The following PAQR7 variants were observed in gnomAD, a reference collection of about 807,000 sequenced individuals.
PAQR7 encodes membrane progestin receptor alpha.
PAQR7 carries 14 observed loss-of-function variants against 24.6 expected under a neutral mutation model. That is an observed-to-expected ratio of 0.57 (90% confidence interval 0.38 to 0.89). The LOEUF (loss-of-function observed/expected upper bound fraction) is 0.89, where lower values mean the gene tolerates loss of function less well. Ranked by LOEUF, PAQR7 falls within the 40% of genes least tolerant of loss-of-function variation. PAQR7 has a pLI of 0.00. For synonymous variants in PAQR7, 189 were observed against 198.8 expected, an observed-to-expected ratio of 0.95 and a Z score of 0.42; for missense variants, 351 against 444.0, an observed-to-expected ratio of 0.79 and a Z score of 1.88.
intron 2 of PAQR7, among the ~76,000 whole-genome samples, chr1:25,866,282 C>G (rs569592687): frequency 1.5e-4 from 23 of 152,318 alleles, no homozygotes; most frequent in African/African-American, 5.3e-4. Context: ...TGCCACCTTC[C>G]TTTCCCTGCA....
In PAQR7 at chr1:25,862,722, C is replaced by A; in HGVS notation, c.*77G>T. 4.2e-6 allele frequency: 6 copies of A among 1,437,546 alleles called. No individual in the cohort carries two copies. The South Asian group carries it at 6.5e-5, about 16-fold the overall frequency. 89.0% of individuals were successfully genotyped at this position (1,437,546 alleles called of 1,614,324 possible). A position where few individuals can be genotyped will look rare whatever the true frequency, so the allele number is the denominator to read the frequency against. The stretch of plus-strand genomic sequence containing the variant: ...GCCAGACACAAACAACTTTACCAGG[C>A]CTTGTTCCCACCTGGAGCCAAACCC... On this transcript the variant is annotated 3_prime_UTR_variant, in exon 3 of 3. Coordinates refer to ENST00000675840, the MANE Select transcript of PAQR7 (RefSeq NM_178422.6).
intron 2 of PAQR7, among the ~76,000 whole-genome samples, chr1:25,867,867 C>A (rs758915654): frequency 2.0e-5 from 3 of 152,210 alleles, no homozygotes; most frequent in Non-Finnish European, 4.4e-5. Flanking sequence ...AAGCAGGAGT[C>A]GTTACACTGC....
chr1:25,866,718 G>GT (rs1341051560), intron 2 of PAQR7, among the ~76,000 whole-genome samples: 20 of 152,112 alleles, frequency 1.3e-4, no homozygotes, highest in African/African-American at 4.8e-4. Flanking sequence ...ACTCAAGTCT[G>GT]TTTTTTTGTG....
At position 25,863,535 on chromosome 1, in the gene PAQR7, G is replaced by C; in HGVS notation, c.305C>G (p.Pro102Arg). The change falls in exon 3 of 3, where the codon CCA (proline) becomes CGA (arginine). Residue 102 changes from proline to arginine, a missense_variant. By Grantham distance (103) the Pro-to-Arg change is moderately radical (BLOSUM62 -2). Transcript: ENST00000675840. This position sits in a 1 kb window ranked among gnomAD's most constrained non-coding sequence, Gnocchi z 6.1. ...FVETVDFWGD[P>R]HALPLFIIVL... is the part of the protein sequence containing the mutation. ...AATGATGAAGAGGGGCAGGGCGTGT[G>C]GGTCTCCCCAGAAGTCCACGGTCTC... 6.2e-7 allele frequency: 1 copy of C among 1,614,204 alleles called. No individual in the cohort carries two copies.
chr1:25,868,181 G>C (rs548940853), intron 2 of PAQR7, among the ~76,000 whole-genome samples: 3 of 152,280 alleles, frequency 2.0e-5, no homozygotes, highest in African/African-American at 7.2e-5. Flanking sequence ...AAGCATCTTG[G>C]GCAACTCTCT....
At position 25,874,342 on chromosome 1, in the gene PAQR7, G is replaced by A. The variant is rs140833931; in HGVS notation, c.-109+1146C>T. ...TTATAAGTGTGAGCTCCCACAGATG[G>A]CCTGAAAAAGCAATTCTTAAAGAAA... On this transcript the variant is annotated intron_variant, in intron 1 of 2. Transcript: ENST00000675840. 5.8e-3 allele frequency among the ~76,000 whole-genome samples: 878 copies of A among 152,196 alleles called. 11 individuals carry two copies. The highest frequency in any genetic ancestry group is 0.019 in the African/African-American group (802 of 41,520).
At position 25,865,392 on chromosome 1, in the gene PAQR7, T is replaced by A. The variant is rs541789629; in HGVS notation, c.-22-1531A>T. On this transcript the variant is annotated intron_variant, in intron 2 of 2. Coordinates refer to ENST00000675840, the MANE Select transcript of PAQR7 (RefSeq NM_178422.6). ...ATGTTTGCTGAATGAAAGAACAACATGACCGGGCGCAGTGGCTCACGCCTG... is the reference window on the plus strand; with the variant it reads ...ATGTTTGCTGAATGAAAGAACAACAAGACCGGGCGCAGTGGCTCACGCCTG... Among the ~76,000 whole-genome samples the A allele has an allele frequency of 1.6e-3, 245 of 152,160 alleles. 2 individuals carry two copies. Among genetic ancestry groups the A allele is most frequent in the South Asian group, 7.1e-3 (34 of 4,814 alleles).
chr1:25,874,217 G>A (rs1195262876), intron 1 of PAQR7, among the ~76,000 whole-genome samples: 1 of 143,962 alleles, frequency 6.9e-6, no homozygotes, highest in African/African-American at 2.7e-5. Context: ...TCTATGCTCT[G>A]TCCCCCAGGC....
At chr1:25,868,655 A>C (rs917316982) in intron 2 of PAQR7, among the ~76,000 whole-genome samples, 1 of 145,270 alleles carries the variant, frequency 6.9e-6, no homozygotes, top group South Asian at 2.3e-4. Context: ...GGTTGCCGGG[A>C]GCCAAGATTG....
rs2048531291 is a variant in PAQR7 at position 25,863,623 on chromosome 1, C to T, written c.217G>A (p.Val73Met). The change falls in exon 3 of 3, where the codon GTG becomes ATG. Residue 73 changes from valine to methionine, a missense_variant. Physicochemically the swap from Val to Met is conservative, Grantham distance 21 (BLOSUM62 1). Coordinates refer to ENST00000675840, the MANE Select transcript of PAQR7 (RefSeq NM_178422.6). This position sits in a 1 kb window ranked among gnomAD's most constrained non-coding sequence, Gnocchi z 6.1. Reference sequence around the variant, plus strand: ...GCCAGCAGGTGGGTCCAGACATTCACGGCCTCGTTGTGCTGCTGGAACAGC... The same window carrying T: ...GCCAGCAGGTGGGTCCAGACATTCATGGCCTCGTTGTGCTGCTGGAACAGC... Reference protein sequence around the residue: ...RTLFQQHNEAVNVWTHLLAAL... With the variant: ...RTLFQQHNEAMNVWTHLLAAL... 12 of 1,614,178 alleles carry T rather than the reference C, an allele frequency of 7.4e-6. No individual in the cohort carries two copies. Among genetic ancestry groups the T allele is most frequent in the Admixed American group, 1.7e-5 (1 of 60,024 alleles).
At chr1:25,870,787 G>C (rs547881054) in intron 1 of PAQR7, 93 bp from the exon 2 acceptor site, 2 of 152,306 alleles carry the variant, frequency 1.3e-5, no homozygotes, top group South Asian at 4.1e-4. Context: ...TTCAGATTCA[G>C]ACAAACCAGG....
rs529741953 is a variant in PAQR7 at position 25,863,296 on chromosome 1, C to A, written c.544G>T (p.Ala182Ser). ...AVFLPMAAFL[A>S]WLSCIGSCYN... is the part of the protein sequence containing the mutation. Reference sequence around the variant, plus strand: ...CAGGAGCCAATGCAGGAAAGCCAGGCGAGAAAGGCAGCCATGGGCAGAAAA... The same window carrying A: ...CAGGAGCCAATGCAGGAAAGCCAGGAGAGAAAGGCAGCCATGGGCAGAAAA... Residue 182 changes from alanine (A) to serine (S), a missense_variant, in exon 3 of 3, where the codon GCC becomes TCC. Transcript: ENST00000675840. The surrounding 1 kb of genome is among the most constrained non-coding windows in gnomAD (Gnocchi z 6.1). The A allele has an allele frequency of 8.7e-5, 141 of 1,614,210 alleles. No individual in the cohort carries two copies. The South Asian group carries it at 1.5e-3, about 17-fold the overall frequency.
Position 25,862,877 on chromosome 1 carries a change from G to T in PAQR7, c.963C>A (p.Leu321=). 6.2e-7 allele frequency: 1 copy of T among 1,614,214 alleles called. No individual in the cohort carries two copies. Among genetic ancestry groups the T allele is most frequent in the Non-Finnish European group, 8.5e-7 (1 of 1,180,040 alleles). The change falls in exon 3 of 3, where the codon CTC becomes CTA. Residue 321 remains leucine (L), a synonymous_variant. Transcript: ENST00000675840. ...WPHNFSGLFL[L]TVGSSILTAF... ...CAGTGAGGATGCTGCTGCCCACCGT[G>T]AGCAGGAAGAGGCCAGAAAAGTTGT...
rs1028514669 is a variant in PAQR7, at chr1:25,863,972, C to T, written c.-22-111G>A. 2.6e-6 allele frequency: 2 copies of T among 765,946 alleles called. No individual in the cohort carries two copies. Among genetic ancestry groups the T allele is most frequent in the Non-Finnish European group, 4.1e-6 (2 of 487,290 alleles). 47.4% of individuals were successfully genotyped at this position (765,946 alleles called of 1,614,324 possible). ...ACTCCCTCCTCTCCGACAGCCTTAT[C>T]CTTACACTCGGTTTAAGAACAGAAG... On this transcript the variant is annotated intron_variant, in intron 2 of 2. Transcript: ENST00000675840. This position sits in a 1 kb window ranked among gnomAD's most constrained non-coding sequence, Gnocchi z 6.1.
At chr1:25,872,230 C>T (rs894517531) in intron 1 of PAQR7, among the ~76,000 whole-genome samples, 3 of 152,160 alleles carry the variant, frequency 2.0e-5, no homozygotes, top group African/African-American at 7.2e-5. Flanking sequence ...CTGGCTCTGC[C>T]GTTTCTGTGG....
At chr1:25,873,363 C>T (rs549945087) in intron 1 of PAQR7, among the ~76,000 whole-genome samples, 1 of 152,322 alleles carries the variant, frequency 6.6e-6, no homozygotes, top group Non-Finnish European at 1.5e-5. Context: ...ACAGATTATA[C>T]AGGCAAAGTT....
rs544402075 is a variant in PAQR7, at chr1:25,862,325, T to G, written c.*474A>C. On this transcript the variant is annotated 3_prime_UTR_variant, in exon 3 of 3. Coordinates refer to ENST00000675840, the MANE Select transcript of PAQR7 (RefSeq NM_178422.6). ...CAGCTCCAACACTTGTGGCTGGGCT[T>G]CAAGGGACAGTAAGATCCTGTATAT... The G allele has an allele frequency of 6.0e-4, 96 of 160,780 alleles. No homozygotes were observed. Among genetic ancestry groups the G allele is most frequent in the African/African-American group, 2.1e-3 (89 of 41,634 alleles). The allele number at this position is 160,780 out of a possible 1,614,324, so 10.0% of individuals were successfully genotyped here.
intron 2 of PAQR7, among the ~76,000 whole-genome samples, chr1:25,866,774 C>G (rs981225661): frequency 2.0e-5 from 3 of 152,130 alleles, no homozygotes; most frequent in African/African-American, 7.2e-5. Context: ...GCTCTGTCAC[C>G]CAGGCTGGAG....
chr1:25,873,253 G>A (rs970288939), intron 1 of PAQR7, among the ~76,000 whole-genome samples: 1 of 152,238 alleles, frequency 6.6e-6, no homozygotes, highest in Non-Finnish European at 1.5e-5. Flanking sequence ...TGGGAGCCCA[G>A]CCCTGGAGGC....
Sources: gnomAD v4.1 joint callset for allele counts (sites outside exome capture counted in the v4.1 genomes callset) on GRCh38, gnomAD v4.1.1 for gene constraint, Gnocchi (gnomAD v3.1) non-coding constraint, MANE v1.5 for transcripts, NCBI Gene and HGNC (gene_info 2026-07-23, HGNC 2026-07-21) for gene names.